The following HSPA12B variants were observed in gnomAD, a reference collection of about 807,000 sequenced individuals.
The protein encoded by HSPA12B is heat shock 70 kDa protein 12B.
HSPA12B carries 54 observed loss-of-function variants against 69.3 expected under a neutral mutation model. The observed-to-expected ratio is 0.78, with a 90% CI of 0.63 to 0.98. The LOEUF (loss-of-function observed/expected upper bound fraction) is 0.98. Among genes scored for constraint, HSPA12B ranks in the 50% least tolerant of loss-of-function variants. The probability of loss-of-function intolerance (pLI) is 0.00; values close to 1 mark genes in which losing one functional copy is unlikely to be tolerated. For missense variants in HSPA12B, 929 were observed against 999.8 expected, an observed-to-expected ratio of 0.93 and a Z score of 0.96; for synonymous variants, 441 against 436.5, an observed-to-expected ratio of 1.01 and a Z score of -0.13.
Position 3,750,211 on chromosome 20 carries a change from G to A in HSPA12B, c.1285G>A (p.Ala429Thr), listed in dbSNP as rs763765071. ...GCAGCGGGGCCACAACGTGGAGACC[G>A]CTCTGCGCAGGAGCAGGTGGGTCCT... ...RKQRGHNVET[A>T]LRRSSVNFVK... The change falls in exon 11 of 13, where the codon GCT (alanine) becomes ACT (threonine). Residue 429 changes from alanine to threonine, a missense_variant. Around this residue, in one of 3 missense-constraint regions of HSPA12B, gnomAD observed 448 missense variants for 448.1 expected, o/e 1.00. Coordinates refer to ENST00000254963, the MANE Select transcript of HSPA12B (RefSeq NM_052970.5). 3 of 1,603,928 alleles carry A rather than the reference G, an allele frequency of 1.9e-6. No individual in the cohort carries two copies. The highest frequency in any genetic ancestry group is 2.2e-5 in the East Asian group (1 of 44,558).
At position 3,749,265 on chromosome 20, in the gene HSPA12B, G is replaced by A. The variant is rs763936271; in HGVS notation, c.884G>A (p.Arg295His). 24 of 1,613,476 alleles carry A rather than the reference G, an allele frequency of 1.5e-5. No individual in the cohort carries two copies. The East Asian group carries it at 2.0e-4, about 13-fold the overall frequency. Residue 295 changes from arginine (R) to histidine (H), a missense_variant, in exon 9 of 13, where the codon CGC becomes CAC. Arg to His is a conservative substitution (Grantham distance 29). Around this residue, in one of 3 missense-constraint regions of HSPA12B, gnomAD observed 477 missense variants for 535.2 expected, o/e 0.89. Coordinates refer to ENST00000254963, the MANE Select transcript of HSPA12B (RefSeq NM_052970.5). This position sits in a 1 kb window ranked among gnomAD's most constrained non-coding sequence, Gnocchi z 5.5. ...REQLRRSRHS[R>H]TFLVESGVGE... ...CAGCTGCGAAGGTCCCGCCACAGCC[G>A]CACGTTCCTGGTGGAGTCAGGCGTA...
rs1343834974 is a variant in HSPA12B at position 3,752,026 on chromosome 20, C to T, written c.1921C>T (p.Gln641Ter). 1 of 1,559,644 alleles carries T rather than the reference C, an allele frequency of 6.4e-7. No individual in the cohort carries two copies. Among genetic ancestry groups the T allele is most frequent in the Admixed American group, 1.8e-5 (1 of 55,094 alleles). The part of the protein sequence containing the change: ...SLELEPADCG[Q>*]DTAGAPPGRR... The stretch of plus-strand genomic sequence containing the variant: ...CGAGCTTGAGCCCGCCGACTGCGGC[C>T]AGGACACCGCCGGCGCGCCTCCCGG... Residue 641 changes from glutamine (Q) to a stop codon, truncating the protein, a stop_gained, in exon 13 of 13, where the codon CAG becomes TAG. Transcript: ENST00000254963. LOFTEE classifies it high-confidence loss of function.
intron 12 of HSPA12B, 79 bp downstream of exon 12, chr20:3,750,986 A>C: frequency 8.4e-7 from 1 of 1,191,562 alleles, no homozygotes; most frequent in Non-Finnish European, 1.2e-6. Flanking sequence ...ATCAGTGCCT[A>C]GATACCTCCA....
chr20:3,751,440 T>C, intron 12 of HSPA12B, 71 bp from the exon 13 acceptor site: 1 of 1,359,514 alleles, frequency 7.4e-7, no homozygotes, highest in Non-Finnish European at 9.4e-7. Context: ...AGTGGTGGCC[T>C]CAGTGGCTCT....
At position 3,749,959 on chromosome 20, in the gene HSPA12B, T is replaced by A. The variant is rs761981511; in HGVS notation, c.1043-10T>A. ...CGCTGACGCCCTCTTCGCCCCCTGC[T>A]CCACCCCAGGGGGCCCTTATGGCGC... On this transcript the variant is annotated splice_polypyrimidine_tract_variant and intron_variant, in intron 10 of 12. Coordinates refer to ENST00000254963, the MANE Select transcript of HSPA12B (RefSeq NM_052970.5). This position sits in a 1 kb window ranked among gnomAD's most constrained non-coding sequence, Gnocchi z 5.5. The A allele has an allele frequency of 3.7e-5, 58 of 1,556,180 alleles. No homozygotes were observed. The East Asian group carries it at 1.3e-3, about 36-fold the overall frequency.
At chr20:3,748,047 A>T (rs765599056) in intron 7 of HSPA12B, among the ~76,000 whole-genome samples, 170 bp from the exon 8 acceptor site, 1 of 152,228 alleles carries the variant, frequency 6.6e-6, no homozygotes, top group Non-Finnish European at 1.5e-5. Flanking sequence ...CGTGGCTATG[A>T]GGCAGCTCCA....
In HSPA12B at chr20:3,745,026, C is replaced by T. The variant is rs1176951179; in HGVS notation, c.391C>T (p.Pro131Ser). Residue 131 changes from proline to serine, a missense_variant, in exon 5 of 13, where the codon CCC becomes TCC. Coordinates refer to ENST00000254963, the MANE Select transcript of HSPA12B (RefSeq NM_052970.5). This position sits in a 1 kb window ranked among gnomAD's most constrained non-coding sequence, Gnocchi z 5.6. ...CCGCGATTACTACCATGACCTGGAC[C>T]CCGAAGAGGCGCGGGACTGGCTCTA... ...TARDYYHDLDPEEARDWLYFE... is the reference protein window; with the variant it reads ...TARDYYHDLDSEEARDWLYFE... The T allele has an allele frequency of 1.9e-6, 3 of 1,613,904 alleles. No individual in the cohort carries two copies. Among genetic ancestry groups the T allele is most frequent in the Non-Finnish European group, 1.7e-6 (2 of 1,180,034 alleles).
Position 3,751,572 on chromosome 20 carries a change from C to A in HSPA12B, c.1467C>A (p.Phe489Leu), listed in dbSNP as rs755218453. 6 of 1,496,392 alleles carry A rather than the reference C, an allele frequency of 4.0e-6. No individual in the cohort carries two copies. In the South Asian group the frequency reaches 5.2e-5, roughly 13 times the overall value. 92.7% of individuals were successfully genotyped at this position (1,496,392 alleles called of 1,614,324 possible). A position where few individuals can be genotyped will look rare whatever the true frequency, so the allele number is the denominator to read the frequency against. Residue 489 changes from phenylalanine to leucine, a missense_variant, in exon 13 of 13, where the codon TTC becomes TTA. Around this residue, in one of 3 missense-constraint regions of HSPA12B, gnomAD observed 448 missense variants for 448.1 expected, o/e 1.00. Transcript: ENST00000254963. Reference sequence around the variant, plus strand: ...AGCTGCTGTTCCTAGTGGGCGGCTTCGCCGAGTCAGCGGTGCTGCAGCACG... The same window carrying A: ...AGCTGCTGTTCCTAGTGGGCGGCTTAGCCGAGTCAGCGGTGCTGCAGCACG... ...GVKLLFLVGG[F>L]AESAVLQHAV... is the part of the protein sequence containing the mutation.
In HSPA12B at chr20:3,752,358, G is replaced by A; in HGVS notation, c.*192G>A. 3.7e-6 allele frequency: 2 copies of A among 537,036 alleles called. No homozygotes were observed. The highest frequency in any genetic ancestry group is 6.1e-6 in the Non-Finnish European group (2 of 326,368). The allele number at this position is 537,036 out of a possible 1,614,324, so 33.3% of individuals were successfully genotyped here. On this transcript the variant is annotated 3_prime_UTR_variant, in exon 13 of 13. Transcript: ENST00000254963. ...CACCCAGAGACTGGCTTTGGGATTGGGCACTGGTCCGCTGACTGCCAGGCT... is the reference window on the plus strand; with the variant it reads ...CACCCAGAGACTGGCTTTGGGATTGAGCACTGGTCCGCTGACTGCCAGGCT...
In HSPA12B at chr20:3,748,679, G is replaced by A. The variant is rs1461951184; in HGVS notation, c.850+288G>A. Among the ~76,000 whole-genome samples, 5 of 152,232 alleles carry A rather than the reference G, an allele frequency of 3.3e-5. No individual in the cohort carries two copies. The East Asian group carries it at 5.8e-4, about 18-fold the overall frequency. ...CAAAGTCTGAGGAGGGCAGGACTCC[G>A]CCCAGCCCTGAGTCTGAGGGTTGGG... is the stretch of plus-strand genomic sequence containing the variant. On this transcript the variant is annotated intron_variant, in intron 8 of 12. Coordinates refer to ENST00000254963, the MANE Select transcript of HSPA12B (RefSeq NM_052970.5).
Position 3,749,151 on chromosome 20 carries a change from C to G in HSPA12B, c.851-81C>G. The G allele has an allele frequency of 8.0e-7, 1 of 1,254,702 alleles. No individual in the cohort carries two copies. Among genetic ancestry groups the G allele is most frequent in the South Asian group, 1.3e-5 (1 of 75,562 alleles). The allele number at this position is 1,254,702 out of a possible 1,614,324, so 77.7% of individuals were successfully genotyped here. ...GCTGCTCCCAGTGCCCATGGAGGTCCTGGGCAGGAGGATGGGAGTTGAACG... is the reference window on the plus strand; with the variant it reads ...GCTGCTCCCAGTGCCCATGGAGGTCGTGGGCAGGAGGATGGGAGTTGAACG... On this transcript the variant is annotated intron_variant, in intron 8 of 12. Transcript: ENST00000254963. This position sits in a 1 kb window ranked among gnomAD's most constrained non-coding sequence, Gnocchi z 5.5.
rs1009859831 is a variant in HSPA12B, at chr20:3,749,076, C to T, written c.851-156C>T. ...GGATACAGGGTGGGAGTTTGGGGTT[C>T]AGGATTGCCCTCTCCCAGTCAGGAG... On this transcript the variant is annotated intron_variant, in intron 8 of 12. Coordinates refer to ENST00000254963, the MANE Select transcript of HSPA12B (RefSeq NM_052970.5). This position sits in a 1 kb window ranked among gnomAD's most constrained non-coding sequence, Gnocchi z 5.5. 6.6e-6 allele frequency among the ~76,000 whole-genome samples: 1 copy of T among 152,172 alleles called. No individual in the cohort carries two copies. The highest frequency in any genetic ancestry group is 1.9e-4 in the East Asian group (1 of 5,192).
intron 7 of HSPA12B, among the ~76,000 whole-genome samples, chr20:3,747,784 G>A (rs772949918): frequency 6.6e-6 from 1 of 152,126 alleles, no homozygotes; most frequent in African/African-American, 2.4e-5. Flanking sequence ...GAGCTAAAAG[G>A]GCTCCCCACC....
At chr20:3,736,828 G>A (rs907889523) in intron 1 of HSPA12B, among the ~76,000 whole-genome samples, 2 of 152,180 alleles carry the variant, frequency 1.3e-5, no homozygotes, top group Admixed American at 6.5e-5. Context: ...TTCGAGACCA[G>A]CCTGGCCAAT....
rs908370824 is a variant in HSPA12B, at chr20:3,738,820, C to T, written c.43+103C>T. The T allele has an allele frequency of 3.3e-6, 4 of 1,203,236 alleles. No homozygotes were observed. In the African/African-American group the frequency reaches 6.0e-5, roughly 18 times the overall value. The allele number at this position is 1,203,236 out of a possible 1,614,324, so 74.5% of individuals were successfully genotyped here. A position where few individuals can be genotyped will look rare whatever the true frequency, so the allele number is the denominator to read the frequency against. ...CAATGTACCTCTCCCACAGAGCTTC[C>T]CAACAGCTCTTCTGTGAGTGAGTGT... On this transcript the variant is annotated intron_variant, in intron 2 of 12. Transcript: ENST00000254963.
chr20:3,742,736 C>G (rs1288318981), intron 4 of HSPA12B, among the ~76,000 whole-genome samples: 1 of 145,258 alleles, frequency 6.9e-6, no homozygotes, highest in Non-Finnish European at 1.5e-5. Context: ...CTCACTCTGT[C>G]GCCTAGGCTG....
intron 2 of HSPA12B, among the ~76,000 whole-genome samples, chr20:3,739,100 A>T (rs557467497): frequency 6.6e-6 from 1 of 152,104 alleles, no homozygotes; most frequent in South Asian, 2.1e-4. Flanking sequence ...ACCCTGTGTG[A>T]GTGTGTCAGT....
Position 3,740,242 on chromosome 20 carries a change from C to T in HSPA12B, c.44-573C>T, listed in dbSNP as rs1028322860. ...ATCTCTATGGGTGTGGGAGGAGGTG[C>T]TCCCCCTCCTCGATCCTCCTCAAGC... is the stretch of plus-strand genomic sequence containing the variant. On this transcript the variant is annotated intron_variant, in intron 2 of 12. Transcript: ENST00000254963. This position sits in a 1 kb window ranked among gnomAD's most constrained non-coding sequence, Gnocchi z 4.9. Among the ~76,000 whole-genome samples the T allele has an allele frequency of 6.6e-6, 1 of 152,128 alleles. No individual in the cohort carries two copies. Among genetic ancestry groups the T allele is most frequent in the Non-Finnish European group, 1.5e-5 (1 of 68,014 alleles).
At chr20:3,733,700 G>A (rs2088065671) in intron 1 of HSPA12B, among the ~76,000 whole-genome samples, 1 of 152,232 alleles carries the variant, frequency 6.6e-6, no homozygotes, top group Admixed American at 6.5e-5. Flanking sequence ...TGCCGTTTCT[G>A]ATCTGTGCTT....
Sources: gnomAD v4.1 joint callset for allele counts (sites outside exome capture counted in the v4.1 genomes callset) on GRCh38, gnomAD v4.1.1 for gene constraint, gnomAD v4.1.1 regional missense constraint, Gnocchi (gnomAD v3.1) non-coding constraint, MANE v1.5 for transcripts, NCBI Gene and HGNC (gene_info 2026-07-23, HGNC 2026-07-21) for gene names.